MTRF1L: variants seen among roughly 807,000 people sequenced by gnomAD.
MTRF1L encodes peptide chain release factor 1-like, mitochondrial.
Under a neutral mutation model 40.0 loss-of-function variants are expected in MTRF1L, and 29 were observed. The ratio of observed to expected loss-of-function variants is 0.73; its 90% confidence interval spans 0.54 to 0.99. The LOEUF is 0.99. Ranked by LOEUF, MTRF1L falls within the 50% of genes least tolerant of loss-of-function variation. The pLI, the probability that MTRF1L is intolerant of heterozygous loss-of-function variation, is 0.00. For missense variants in MTRF1L, 412 were observed against 464.5 expected (o/e 0.89, Z 1.04); for synonymous variants, 150 against 175.8 (o/e 0.85, Z 1.16).
At chr6:152,991,135 T>C (rs1277720707) in intron 6 of MTRF1L, 50 bp downstream of exon 6, 6 of 1,254,380 alleles carry the variant, frequency 4.8e-6, no homozygotes, top group South Asian at 1.5e-5. Flanking sequence ...AGCTGAGTTA[T>C]ATAAAAATAT....
At chr6:152,998,249 G>A (rs1047127372) in intron 2 of MTRF1L, 4 of 172,314 alleles carry the variant, frequency 2.3e-5, no homozygotes, top group African/African-American at 7.1e-5. Context: ...TTCTGTGAGA[G>A]CGCTACAGTA....
At chr6:152,996,298 ATC>A (rs1778711580) in intron 2 of MTRF1L, among the ~76,000 whole-genome samples, 1 of 152,174 alleles carries the variant, frequency 6.6e-6, no homozygotes, top group Admixed American at 6.5e-5. Context: ...CTACTTTTCC[ATC>A]TCTCTAGCCT....
At chr6:152,992,785 C>A in intron 5 of MTRF1L, 72 bp downstream of exon 5, 1 of 1,104,232 alleles carries the variant, frequency 9.1e-7, no homozygotes, top group South Asian at 1.3e-5. Flanking sequence ...GGATCTATTT[C>A]AGTGGAAAAT....
chr6:152,991,407 T>C (rs1421570840), intron 5 of MTRF1L, 86 bp from the exon 6 acceptor site: 6 of 1,394,222 alleles, frequency 4.3e-6, no homozygotes, highest in Non-Finnish European at 3.8e-6. Context: ...CCTCATCCTT[T>C]TTCTTCTTCC....
At chr6:152,991,717 T>C (rs113367363) in intron 5 of MTRF1L, among the ~76,000 whole-genome samples, 2,044 of 152,180 alleles carry the variant, frequency 0.013, 31 homozygotes, top group African/African-American at 0.04. Flanking sequence ...CGGCTAATTT[T>C]TTTTTGTATT....
intron 1 of MTRF1L, among the ~76,000 whole-genome samples, chr6:153,001,928 G>A (rs573595979): frequency 1.6e-4 from 25 of 152,286 alleles, no homozygotes; most frequent in South Asian, 6.2e-4. Flanking sequence ...TGTCTTGCAA[G>A]GTTCTTAACT....
At position 153,002,623 on chromosome 6, in the gene MTRF1L, T is replaced by C; in HGVS notation, c.63A>G (p.Pro21=). The C allele has an allele frequency of 6.5e-7, 1 of 1,536,078 alleles. No individual in the cohort carries two copies. The highest frequency in any genetic ancestry group is 8.8e-7 in the Non-Finnish European group (1 of 1,141,954). The change falls in exon 1 of 7, where the codon CCA becomes CCG. Residue 21 remains proline, a synonymous_variant. Transcript: ENST00000367233. ...TACCGGAGCTCAGGGGCCGGCGGGC[T>C]GGGCCAACGGCCCGGCGGGGCCAGA... ...RWLWPRRAVG[P]ARRPLSSGSP...
At chr6:153,000,848 T>G (rs533147382) in intron 1 of MTRF1L, among the ~76,000 whole-genome samples, 1 of 151,400 alleles carries the variant, frequency 6.6e-6, no homozygotes, top group African/African-American at 2.4e-5. Flanking sequence ...GTTTTACCTT[T>G]CTATGTCAGG....
rs956464731 is a variant in MTRF1L, at chr6:153,002,644, C to G, written c.42G>C (p.Trp14Cys). The G allele has an allele frequency of 6.6e-7, 1 of 1,513,874 alleles. No homozygotes were observed. The highest frequency in any genetic ancestry group is 1.4e-5 in the African/African-American group (1 of 71,174). The allele number at this position is 1,513,874 out of a possible 1,614,324, so 93.8% of individuals were successfully genotyped here. Residue 14 changes from tryptophan (W) to cysteine (C), a missense_variant, in exon 1 of 7, where the codon TGG becomes TGC. Transcript: ENST00000367233. Reference protein sequence around the residue: ...RVLWGAARWLWPRRAVGPARR... With the variant: ...RVLWGAARWLCPRRAVGPARR... The stretch of plus-strand genomic sequence containing the variant: ...GGGCTGGGCCAACGGCCCGGCGGGG[C>G]CAGAGCCACCGGGCAGCGCCCCACA...
At chr6:152,990,330 C>T (rs1778462064) in intron 6 of MTRF1L, 2 of 573,340 alleles carry the variant, frequency 3.5e-6, no homozygotes, top group Non-Finnish European at 5.8e-6. Flanking sequence ...GTTCTATGAC[C>T]TCGGGCAACT....
In MTRF1L at chr6:153,002,511, C is replaced by A. The variant is rs764910779; in HGVS notation, c.175G>T (p.Val59Phe). 8.7e-6 allele frequency: 14 copies of A among 1,612,636 alleles called. No individual in the cohort carries two copies. The highest frequency in any genetic ancestry group is 1.2e-5 in the Non-Finnish European group (14 of 1,179,664). Residue 59 changes from valine (V) to phenylalanine (F), a missense_variant, in exon 1 of 7, where the codon GTC becomes TTC. Physicochemically the swap from Val to Phe is conservative, Grantham distance 50. Transcript: ENST00000367233. Reference sequence around the variant, plus strand: ...ACCGCCAGCAACTCGGGCCTCCTGACCTTCAAATGGGCTTCAGACCCCGCC... The same window carrying A: ...ACCGCCAGCAACTCGGGCCTCCTGAACTTCAAATGGGCTTCAGACCCCGCC... Reference protein sequence around the residue: ...RQAGSEAHLKVRRPELLAVIK... With the variant: ...RQAGSEAHLKFRRPELLAVIK...
At chr6:152,993,941 A>C (rs1231512056) in intron 4 of MTRF1L, among the ~76,000 whole-genome samples, 1 of 152,220 alleles carries the variant, frequency 6.6e-6, no homozygotes, top group Non-Finnish European at 1.5e-5. Context: ...CAAAGCATTC[A>C]CACTTCATTC....
chr6:153,002,631 C>G lies in MTRF1L; in HGVS notation c.55G>C (p.Val19Leu), dbSNP rs769691463. Reference sequence around the variant, plus strand: ...CTCAGGGGCCGGCGGGCTGGGCCAACGGCCCGGCGGGGCCAGAGCCACCGG... The same window carrying G: ...CTCAGGGGCCGGCGGGCTGGGCCAAGGGCCCGGCGGGGCCAGAGCCACCGG... ...AARWLWPRRA[V>L]GPARRPLSSG... Residue 19 changes from valine to leucine, a missense_variant, in exon 1 of 7, where the codon GTT (valine) becomes CTT (leucine). Coordinates refer to ENST00000367233, the MANE Select transcript of MTRF1L (RefSeq NM_019041.7). 5.9e-6 allele frequency: 9 copies of G among 1,529,914 alleles called. No individual in the cohort carries two copies. The African/African-American group carries it at 7.0e-5, about 12-fold the overall frequency. 94.8% of individuals were successfully genotyped at this position (1,529,914 alleles called of 1,614,324 possible). A position where few individuals can be genotyped will look rare whatever the true frequency, so the allele number is the denominator to read the frequency against.
chr6:152,994,955 ACT>A (rs919846092), intron 3 of MTRF1L, 179 bp downstream of exon 3: 13 of 728,296 alleles, frequency 1.8e-5, no homozygotes, highest in African/African-American at 3.6e-5. Flanking sequence ...TTATTGAAAG[ACT>A]CTCCATTAGA....
chr6:152,993,817 A>C (rs1778617677), intron 4 of MTRF1L, among the ~76,000 whole-genome samples: 1 of 152,194 alleles, frequency 6.6e-6, no homozygotes, highest in Admixed American at 6.5e-5. Context: ...GCTTCACACA[A>C]AAATTAGATC....
At chr6:153,001,256 GT>G (rs1241563311) in intron 1 of MTRF1L, among the ~76,000 whole-genome samples, 1 of 152,040 alleles carries the variant, frequency 6.6e-6, no homozygotes, top group African/African-American at 2.4e-5. Context: ...AGCTCTGGCT[GT>G]TTTTTTCTTG....
At chr6:152,997,183 G>A (rs1364280271) in intron 2 of MTRF1L, among the ~76,000 whole-genome samples, 1 of 152,036 alleles carries the variant, frequency 6.6e-6, no homozygotes, top group Non-Finnish European at 1.5e-5. Flanking sequence ...AGATGATGTT[G>A]AAGAAGAAGT....
Position 152,990,121 on chromosome 6 carries a change from G to A in MTRF1L, c.943-26C>T, listed in dbSNP as rs773429599. ...CTGTATATAGAGAAAAAGATGAGAT[G>A]CAGCTAGATTCAGGGCAATTTAAAC... is the stretch of plus-strand genomic sequence containing the variant. On this transcript the variant is annotated intron_variant, in intron 6 of 6. Transcript: ENST00000367233. 8 of 1,605,642 alleles carry A rather than the reference G, an allele frequency of 5.0e-6. No individual in the cohort carries two copies. The South Asian group carries it at 9.0e-5, about 18-fold the overall frequency.
At chr6:152,993,259 G>T (rs978108110) in intron 4 of MTRF1L, among the ~76,000 whole-genome samples, 3 of 152,024 alleles carry the variant, frequency 2.0e-5, no homozygotes, top group African/African-American at 7.3e-5. Flanking sequence ...AGAAACAGCA[G>T]AACTTGATAC....
Sources: gnomAD v4.1 joint callset for allele counts (sites outside exome capture counted in the v4.1 genomes callset) on GRCh38, gnomAD v4.1.1 for gene constraint, MANE v1.5 for transcripts, NCBI Gene and HGNC (gene_info 2026-07-23, HGNC 2026-07-21) for gene names.